BCL11B: variants seen among roughly 807,000 people sequenced by gnomAD.
BCL11B encodes BCL11 transcription factor B.
A neutral mutation model predicts 49.9 loss-of-function variants in BCL11B; 8 were observed. The ratio of observed to expected loss-of-function variants is 0.16; its 90% CI spans 0.09 to 0.29. The LOEUF (loss-of-function observed/expected upper bound fraction) is 0.29. Ranked by LOEUF, BCL11B falls within the 10% of genes least tolerant of loss-of-function variation. The pLI, the probability that BCL11B is intolerant of heterozygous loss-of-function variation, is 1.00. For synonymous variants in BCL11B, 739 were observed against 637.4 expected (o/e 1.16, Z -2.40); for missense variants, 1,006 against 1,351.0 (o/e 0.74, Z 4.00).
chr14:99,224,369 CTCT>C (rs1318433283), intron 3 of BCL11B, among the ~76,000 whole-genome samples: 1 of 152,188 alleles, frequency 6.6e-6, no homozygotes, highest in Non-Finnish European at 1.5e-5. Context: ...GGGGGAGTGC[CTCT>C]TCTTGGGAGC....
chr14:99,250,373 A>G (rs1888973675), intron 2 of BCL11B, among the ~76,000 whole-genome samples: 1 of 151,376 alleles, frequency 6.6e-6, no homozygotes, highest in South Asian at 2.1e-4. Flanking sequence ...GGTTTTGGTG[A>G]GCTGAGATCG....
In BCL11B at chr14:99,175,903, C is replaced by T. The variant is rs201912349; in HGVS notation, c.933G>A (p.Pro311=). ...GGGGACTGAAGAGAGGCGGCGTGCCCGGCAGGCGGCCCTCGCCGAAGCCCG... is the reference window on the plus strand; with the variant it reads ...GGGGACTGAAGAGAGGCGGCGTGCCTGGCAGGCGGCCCTCGCCGAAGCCCG... The part of the protein sequence containing the change: ...DHPGFGEGRL[P]GTPPLFSPPP... The change falls in exon 4 of 4, where the codon CCG becomes CCA. Residue 311 remains proline, a synonymous_variant. Coordinates refer to ENST00000357195, the MANE Select transcript of BCL11B (RefSeq NM_138576.4). 15 of 1,452,720 alleles carry T rather than the reference C, an allele frequency of 1.0e-5. No individual in the cohort carries two copies. Among genetic ancestry groups the T allele is most frequent in the Non-Finnish European group, 1.4e-5 (15 of 1,105,506 alleles). The allele number at this position is 1,452,720 out of a possible 1,614,324, so 90.0% of individuals were successfully genotyped here.
At chr14:99,221,464 C>A (rs1417912459) in intron 3 of BCL11B, among the ~76,000 whole-genome samples, 1 of 152,254 alleles carries the variant, frequency 6.6e-6, no homozygotes, top group East Asian at 1.9e-4. Context: ...TCATACAATA[C>A]TGGCGTTCTA....
At chr14:99,198,143 C>A (rs1373186583) in intron 3 of BCL11B, among the ~76,000 whole-genome samples, 1 of 152,200 alleles carries the variant, frequency 6.6e-6, no homozygotes, top group Non-Finnish European at 1.5e-5. Flanking sequence ...ACTTTTCTTT[C>A]CACTGAGAAA....
Position 99,174,888 on chromosome 14 carries a change from CGCCGCCCGCGCCCGCGTCCCCGCA to C in BCL11B, c.1924_1947del (p.Cys642_Gly649del), listed in dbSNP as rs968881427. 7 of 1,073,238 alleles carry C rather than the reference CGCCGCCCGCGCCCGCGTCCCCGCA, an allele frequency of 6.5e-6. No individual in the cohort carries two copies. The highest frequency in any genetic ancestry group is 5.5e-5 in the Admixed American group (1 of 18,222). The allele number at this position is 1,073,238 out of a possible 1,614,324, so 66.5% of individuals were successfully genotyped here. On this transcript the variant is annotated inframe_deletion, in exon 4 of 4. Coordinates refer to ENST00000357195, the MANE Select transcript of BCL11B (RefSeq NM_138576.4). ...AAGCCGCCCCCGCGCCCGTTGACCG[CGCCGCCCGCGCCCGCGTCCCCGCA>C]GCCGCCCGCGTCGTCGTCGTCGCCC... is the stretch of plus-strand genomic sequence containing the variant.
rs1294908422 is a variant in BCL11B, at chr14:99,195,561, A to C, written c.641-19366T>G. ...CCTCAGTGTATCTTCGTGAACCCCC[A>C]CAAGGCTCGTATGCCTTGGATTCCA... On this transcript the variant is annotated intron_variant, in intron 3 of 3. Coordinates refer to ENST00000357195, the MANE Select transcript of BCL11B (RefSeq NM_138576.4). This position sits in a 1 kb window ranked among gnomAD's most constrained non-coding sequence, Gnocchi z 4.7. Among the ~76,000 whole-genome samples the C allele has an allele frequency of 3.3e-5, 5 of 152,052 alleles. No homozygotes were observed. The highest frequency in any genetic ancestry group is 7.4e-5 in the Non-Finnish European group (5 of 68,000).
chr14:99,256,632 G>A (rs1054130772), intron 2 of BCL11B, among the ~76,000 whole-genome samples: 2 of 152,208 alleles, frequency 1.3e-5, no homozygotes, highest in Non-Finnish European at 2.9e-5. Context: ...CTCCCTGGAA[G>A]AGGCTCCAGC....
rs1349333953 is a variant in BCL11B at position 99,241,958 on chromosome 14, G to A, written c.428-10401C>T. Among the ~76,000 whole-genome samples the A allele has an allele frequency of 6.6e-6, 1 of 152,098 alleles. No individual in the cohort carries two copies. Among genetic ancestry groups the A allele is most frequent in the Non-Finnish European group, 1.5e-5 (1 of 68,022 alleles). On this transcript the variant is annotated intron_variant, in intron 2 of 3. Transcript: ENST00000357195. The surrounding 1 kb of genome is among the most constrained non-coding windows in gnomAD (Gnocchi z 4.4). ...TACCGAAGACGCCAAGCGTAAACAT[G>A]ATTTATTTAGCTGTGTTTAACGTGT...
At chr14:99,224,623 T>C (rs1287864617) in intron 3 of BCL11B, among the ~76,000 whole-genome samples, 3 of 152,164 alleles carry the variant, frequency 2.0e-5, no homozygotes, top group African/African-American at 4.8e-5. Flanking sequence ...ACCGGCCTTT[T>C]CCCTCTGATT....
In BCL11B at chr14:99,262,763, G is replaced by A. The variant is rs1034337362; in HGVS notation, c.59-4924C>T. Among the ~76,000 whole-genome samples, 4 of 151,962 alleles carry A rather than the reference G, an allele frequency of 2.6e-5. No homozygotes were observed. Among genetic ancestry groups the A allele is most frequent in the South Asian group, 2.1e-4 (1 of 4,798 alleles). Reference sequence around the variant, plus strand: ...CTGGGACTCCAGGCGACACGGAAACGCCACCACACGCACACTCGACGGAGC... The same window carrying A: ...CTGGGACTCCAGGCGACACGGAAACACCACCACACGCACACTCGACGGAGC... On this transcript the variant is annotated intron_variant, in intron 1 of 3. Coordinates refer to ENST00000357195, the MANE Select transcript of BCL11B (RefSeq NM_138576.4). The surrounding 1 kb of genome is among the most constrained non-coding windows in gnomAD (Gnocchi z 4.2).
intron 3 of BCL11B, among the ~76,000 whole-genome samples, chr14:99,210,598 G>A (rs1243942284): frequency 6.6e-6 from 1 of 152,154 alleles, no homozygotes; most frequent in East Asian, 1.9e-4. Flanking sequence ...TCATGCCCGA[G>A]GACCAAGAAA....
chr14:99,266,368 G>A (rs1371035351), intron 1 of BCL11B, among the ~76,000 whole-genome samples: 5 of 151,998 alleles, frequency 3.3e-5, no homozygotes, highest in Admixed American at 6.6e-5. Context: ...TCCCCAGCCC[G>A]ATCACCAGCG....
intron 3 of BCL11B, among the ~76,000 whole-genome samples, chr14:99,222,458 A>T (rs1340946915): frequency 2.0e-5 from 3 of 152,170 alleles, no homozygotes; most frequent in African/African-American, 7.2e-5. Flanking sequence ...AGAGACAGAG[A>T]TGAGCCTGGT....
chr14:99,178,085 A>G (rs1886592242), intron 3 of BCL11B, among the ~76,000 whole-genome samples: 1 of 151,928 alleles, frequency 6.6e-6, no homozygotes, highest in Admixed American at 6.6e-5. Flanking sequence ...GTGCTGTCCG[A>G]GGGGCAGGGT....
At position 99,262,714 on chromosome 14, in the gene BCL11B, T is replaced by C. The variant is rs1027812777; in HGVS notation, c.59-4875A>G. Among the ~76,000 whole-genome samples, 3 of 152,048 alleles carry C rather than the reference T, an allele frequency of 2.0e-5. No homozygotes were observed. Among genetic ancestry groups the C allele is most frequent in the African/African-American group, 7.3e-5 (3 of 41,366 alleles). On this transcript the variant is annotated intron_variant, in intron 1 of 3. Transcript: ENST00000357195. This position sits in a 1 kb window ranked among gnomAD's most constrained non-coding sequence, Gnocchi z 4.2. ...TCTACGAAGAGATCTTTTCATCTCC[T>C]CTCCGTGAACACTTGGGGAGGGGCT...
At chr14:99,258,059 CT>C (rs1889225910) in intron 1 of BCL11B, among the ~76,000 whole-genome samples, 1 of 152,182 alleles carries the variant, frequency 6.6e-6, no homozygotes, top group African/African-American at 2.4e-5. Context: ...GTCGTGCCCC[CT>C]GGGCATTGCC....
chr14:99,245,317 A>G (rs1888793007), intron 2 of BCL11B, among the ~76,000 whole-genome samples: 2 of 152,266 alleles, frequency 1.3e-5, no homozygotes, highest in African/African-American at 4.8e-5. Flanking sequence ...CTGTAATTCC[A>G]GGAGCTTCGG....
chr14:99,263,944 C>T (rs371828527), intron 1 of BCL11B, among the ~76,000 whole-genome samples: 11 of 152,124 alleles, frequency 7.2e-5, no homozygotes, highest in Non-Finnish European at 1.3e-4. Context: ...ATAAAATAGG[C>T]GCTTTAAAGA....
At chr14:99,200,369 C>CGCA in intron 3 of BCL11B, among the ~76,000 whole-genome samples, 1 of 152,336 alleles carries the variant, frequency 6.6e-6, no homozygotes, top group South Asian at 2.1e-4. Context: ...CAGGGCCGTG[C>CGCA]CAGGCCAAGT....
Sources: gnomAD v4.1 joint callset for allele counts (sites outside exome capture counted in the v4.1 genomes callset) on GRCh38, gnomAD v4.1.1 for gene constraint, Gnocchi (gnomAD v3.1) non-coding constraint, MANE v1.5 for transcripts, NCBI Gene and HGNC (gene_info 2026-07-23, HGNC 2026-07-21) for gene names.